SAMSN1: variants seen among roughly 807,000 people sequenced by gnomAD.
SAMSN1 encodes the protein SAM domain-containing protein SAMSN-1.
In SAMSN1, 31 loss-of-function variants were observed where a neutral mutation model predicts 42.0. The ratio of observed to expected loss-of-function variants is 0.74; its 90% confidence interval spans 0.55 to 1.00. The LOEUF (loss-of-function observed/expected upper bound fraction) is 1.00. Among genes scored for constraint, SAMSN1 ranks in the 50% least tolerant of loss-of-function variants. The pLI, the probability that SAMSN1 is intolerant of heterozygous loss-of-function variation, is 0.00. For synonymous variants in SAMSN1, 178 were observed against 151.9 expected (o/e 1.17, Z -1.26); for missense variants, 464 against 439.4 (o/e 1.06, Z -0.50).
intron 2 of SAMSN1, among the ~76,000 whole-genome samples, chr21:14,623,932 G>A (rs1983090676): frequency 6.6e-6 from 1 of 152,152 alleles, no homozygotes; most frequent in African/African-American, 2.4e-5. Flanking sequence ...CTGTCTCTCA[G>A]ACCACAGAGC....
intron 3 of SAMSN1, chr21:14,613,003 G>A: frequency 1.7e-6 from 1 of 586,670 alleles, no homozygotes; most frequent in South Asian, 2.1e-5. Context: ...CAACACTTTG[G>A]GAACAGAAAT....
intron 1 of SAMSN1, among the ~76,000 whole-genome samples, chr21:14,524,984 A>G (rs1023148885): frequency 5.3e-5 from 8 of 152,218 alleles, no homozygotes; most frequent in South Asian, 2.1e-4. Context: ...GGGACAACTT[A>G]GACATTTAAT....
At position 14,500,509 on chromosome 21, in the gene SAMSN1, C is replaced by A; in HGVS notation, c.768+20G>T. On this transcript the variant is annotated intron_variant, in intron 6 of 7. Transcript: ENST00000400566. ...CCATTTACATGCTTCCAAAAGCAAA[C>A]AGAACACAGATTTGCTCACCTGCAG... 3 of 1,606,694 alleles carry A rather than the reference C, an allele frequency of 1.9e-6. No individual in the cohort carries two copies. The highest frequency in any genetic ancestry group is 2.6e-6 in the Non-Finnish European group (3 of 1,173,476).
intron 6 of SAMSN1, among the ~76,000 whole-genome samples, chr21:14,595,423 C>T (rs1455260157): frequency 1.3e-5 from 2 of 152,076 alleles, no homozygotes; most frequent in Non-Finnish European, 2.9e-5. Context: ...AAATATGTTT[C>T]TGTTTTTACA....
chr21:14,641,019 G>C (rs59332065), intron 2 of SAMSN1, among the ~76,000 whole-genome samples: 116,523 of 151,790 alleles, frequency 0.77, 45,220 homozygotes, highest in Middle Eastern at 0.89. Context: ...AAATGTGTGA[G>C]ACATTTAAAA....
upstream of SAMSN1, chr21:14,585,681 C>T (rs1981894694): frequency 6.6e-6 from 1 of 152,134 alleles, no homozygotes; most frequent in Non-Finnish European, 1.5e-5. Context: ...CATCAGTCTA[C>T]TGCATTTTAT....
chr21:14,644,370 C>A (rs1378786286), intron 1 of SAMSN1, among the ~76,000 whole-genome samples: 1 of 151,940 alleles, frequency 6.6e-6, no homozygotes, highest in Non-Finnish European at 1.5e-5. Context: ...TCATGAGGTA[C>A]CCCCCTTCCG....
At chr21:14,538,854 G>GT (rs956265959) in intron 1 of SAMSN1, among the ~76,000 whole-genome samples, 1 of 151,522 alleles carries the variant, frequency 6.6e-6, no homozygotes, top group Non-Finnish European at 1.5e-5. Flanking sequence ...AAAAAGAATG[G>GT]TTAAAAAAAA....
chr21:14,603,877 T>A (rs1312105170), intron 5 of SAMSN1, among the ~76,000 whole-genome samples: 2 of 152,250 alleles, frequency 1.3e-5, no homozygotes, highest in African/African-American at 4.8e-5. Flanking sequence ...TGAAGTCACC[T>A]GAGACTTTGG....
At chr21:14,541,546 C>T (rs1247453937) in intron 1 of SAMSN1, among the ~76,000 whole-genome samples, 1 of 152,038 alleles carries the variant, frequency 6.6e-6, no homozygotes, top group Non-Finnish European at 1.5e-5. Context: ...GTTTTTAGCT[C>T]ATAAATTATA....
chr21:14,564,117 TA>T (rs1981031775), intron 2 of SAMSN1, among the ~76,000 whole-genome samples: 1 of 152,176 alleles, frequency 6.6e-6, no homozygotes, highest in Non-Finnish European at 1.5e-5. Flanking sequence ...TCTGGATTTT[TA>T]AAATGAGTAA....
intron 4 of SAMSN1, among the ~76,000 whole-genome samples, chr21:14,511,275 T>C (rs1188972772): frequency 6.6e-6 from 1 of 152,212 alleles, no homozygotes; most frequent in Non-Finnish European, 1.5e-5. Flanking sequence ...TCTAATCACA[T>C]AAATTAAGTG....
intron 7 of SAMSN1, among the ~76,000 whole-genome samples, chr21:14,488,314 C>T (rs1986530025): frequency 6.6e-6 from 1 of 152,088 alleles, no homozygotes; most frequent in African/African-American, 2.4e-5. Context: ...GATCTACTTC[C>T]CTTCACATTG....
At chr21:14,582,799 C>T (rs1006451085) in intron 1 of SAMSN1, among the ~76,000 whole-genome samples, 4 of 151,812 alleles carry the variant, frequency 2.6e-5, no homozygotes, top group African/African-American at 9.7e-5. Context: ...GAAAAAAATA[C>T]AATTAAAAAA....
At chr21:14,489,551 T>C (rs1484166952) in intron 7 of SAMSN1, among the ~76,000 whole-genome samples, 1 of 152,172 alleles carries the variant, frequency 6.6e-6, no homozygotes, top group Non-Finnish European at 1.5e-5. Flanking sequence ...GACATACGTA[T>C]CTAAATTAGA....
At chr21:14,612,661 C>A (rs2822809) in intron 4 of SAMSN1, 320,447 of 614,920 alleles carry the variant, frequency 0.52, 85,203 homozygotes, top group Non-Finnish European at 0.55. Flanking sequence ...TAAATATAAA[C>A]GGAAAATATT....
chr21:14,641,263 A>T (rs961248743), intron 2 of SAMSN1, among the ~76,000 whole-genome samples: 3 of 152,190 alleles, frequency 2.0e-5, no homozygotes, highest in Admixed American at 2.0e-4. Context: ...GCATTGAAAA[A>T]TATTTTTGTA....
intron 1 of SAMSN1, chr21:14,582,586 G>T: frequency 2.1e-6 from 1 of 486,608 alleles, no homozygotes; most frequent in Non-Finnish European, 3.7e-6. Context: ...ACACTGCAAT[G>T]GATAAACCAA....
At chr21:14,637,282 A>G (rs760870028) in intron 2 of SAMSN1, among the ~76,000 whole-genome samples, 1 of 152,248 alleles carries the variant, frequency 6.6e-6, no homozygotes, top group Non-Finnish European at 1.5e-5. Context: ...TTAACTATAA[A>G]ATACACATCA....
Sources: allele counts gnomAD v4.1 joint callset (sites outside exome capture counted in the v4.1 genomes callset), GRCh38; gene constraint gnomAD v4.1.1; transcripts MANE v1.5; gene names NCBI Gene and HGNC (gene_info 2026-07-23, HGNC 2026-07-21).